PCDHGB5: variants seen among roughly 807,000 people sequenced by gnomAD.
PCDHGB5 encodes the protein protocadherin gamma-B5.
Under a neutral mutation model 62.9 loss-of-function variants are expected in PCDHGB5, and 48 were observed. That is an observed-to-expected ratio of 0.76 (90% CI 0.61 to 0.97). PCDHGB5 has a LOEUF of 0.97. Among genes scored for constraint, PCDHGB5 ranks in the 50% least tolerant of loss-of-function variants. The pLI, the probability that PCDHGB5 is intolerant of heterozygous loss-of-function variation, is 0.00. For synonymous variants in PCDHGB5, 474 were observed against 511.2 expected (o/e 0.93, Z 0.98); for missense variants, 1,118 against 1,198.6 (o/e 0.93, Z 0.99).
chr5:141,419,018 AG>A (rs2096314197), intron 1 of PCDHGB5: 1 of 1,613,838 alleles, frequency 6.2e-7, no homozygotes, highest in African/African-American at 1.3e-5. Context: ...GTGTAGCTTA[AG>A]TAGAGGTGTT....
chr5:141,511,010 A>G lies in PCDHGB5; in HGVS notation c.2609A>G (p.Tyr870Cys), dbSNP rs1286219897. 6.2e-6 allele frequency: 10 copies of G among 1,614,054 alleles called. No homozygotes were observed. Among genetic ancestry groups the G allele is most frequent in the African/African-American group, 1.3e-5 (1 of 74,916 alleles). Residue 870 changes from tyrosine to cysteine, a missense_variant, in exon 4 of 4, where the codon TAC becomes TGC. By Grantham distance (194) the Tyr-to-Cys change is radical (BLOSUM62 -2). Coordinates refer to ENST00000617380, the MANE Select transcript of PCDHGB5 (RefSeq NM_018925.3). ...GGCACCATGGGATTGAGCGCCCGCT[A>G]CGGACCCCAGTTCACCCTGCAGCAC... Reference protein sequence around the residue: ...GAGTMGLSARYGPQFTLQHVP... With the variant: ...GAGTMGLSARCGPQFTLQHVP...
chr5:141,454,796 A>ATTTTTTTTTTTTTT lies in PCDHGB5; in HGVS notation c.2398-39995_2398-39982dup, dbSNP rs61612330. ...AAGGAAATAATCCTCCATGGTTCTA[A>ATTTTTTTTTTTTTT]TTTTTTTTTTTTTTTTTTTTTTTTT... On this transcript the variant is annotated intron_variant, in intron 1 of 3. Coordinates refer to ENST00000617380, the MANE Select transcript of PCDHGB5 (RefSeq NM_018925.3). 1.1e-3 allele frequency among the ~76,000 whole-genome samples: 87 copies of ATTTTTTTTTTTTTT among 77,456 alleles called. 11 individuals carry two copies. The highest frequency in any genetic ancestry group is 1.4e-3 in the Admixed American group (8 of 5,554). The allele number at this position is 77,456 out of a possible 152,430, so 50.8% of individuals were successfully genotyped here.
At chr5:141,403,143 T>A in intron 1 of PCDHGB5, 1 of 1,613,850 alleles carries the variant, frequency 6.2e-7, no homozygotes, top group Non-Finnish European at 8.5e-7. Flanking sequence ...GAGCGCCGAG[T>A]CCGCATCGTC....
At position 141,486,315 on chromosome 5, in the gene PCDHGB5, C is replaced by T. The variant is rs1432435944; in HGVS notation, c.2398-8492C>T. The T allele has an allele frequency of 6.2e-7, 1 of 1,614,066 alleles. No individual in the cohort carries two copies. Among genetic ancestry groups the T allele is most frequent in the East Asian group, 2.2e-5 (1 of 44,862 alleles). ...AGTGTGCAGGATCCAGACTCAGGGT[C>T]AAACGGAGATGTGAGCCTCCGCATT... On this transcript the variant is annotated intron_variant, in intron 1 of 3. Transcript: ENST00000617380. The surrounding 1 kb of genome is among the most constrained non-coding windows in gnomAD (Gnocchi z 5.0).
At chr5:141,409,589 G>A (rs1487343349) in intron 1 of PCDHGB5, 12 of 1,613,758 alleles carry the variant, frequency 7.4e-6, no homozygotes, top group East Asian at 4.5e-5. Flanking sequence ...CCACGTGGCC[G>A]AGAACAACCC....
Position 141,398,827 on chromosome 5 carries a change from G to A in PCDHGB5, c.700G>A (p.Asp234Asn). Residue 234 changes from aspartate (D) to asparagine (N), a missense_variant, in exon 1 of 4, where the codon GAC becomes AAC. Physicochemically the swap from Asp to Asn is conservative, Grantham distance 23. Coordinates refer to ENST00000617380, the MANE Select transcript of PCDHGB5 (RefSeq NM_018925.3). ...CACTGAGCTCCGGATCCAGGTAACC[G>A]ACGCCAATGATAATCCCCCGGTATT... ...GTTELRIQVT[D>N]ANDNPPVFNR... 6.2e-7 allele frequency: 1 copy of A among 1,613,982 alleles called. No homozygotes were observed. Among genetic ancestry groups the A allele is most frequent in the East Asian group, 2.2e-5 (1 of 44,880 alleles).
At chr5:141,420,213 G>A in intron 1 of PCDHGB5, 1 of 1,611,648 alleles carries the variant, frequency 6.2e-7, no homozygotes, top group Non-Finnish European at 8.5e-7. Flanking sequence ...AACAAAGATA[G>A]CATGCTACTG....
At chr5:141,403,831 G>T (rs1207086715) in intron 1 of PCDHGB5, 1 of 1,613,760 alleles carries the variant, frequency 6.2e-7, no homozygotes. Context: ...TGCTATTCCA[G>T]CTTAATGAAA....
At chr5:141,457,791 A>G (rs554446263) in intron 1 of PCDHGB5, among the ~76,000 whole-genome samples, 1 of 152,318 alleles carries the variant, frequency 6.6e-6, no homozygotes, top group South Asian at 2.1e-4. Flanking sequence ...GAGTTGGGTT[A>G]TCCTCTCCTC....
At chr5:141,428,134 T>C (rs746772496) in intron 1 of PCDHGB5, 1 of 1,600,266 alleles carries the variant, frequency 6.2e-7, no homozygotes, top group Non-Finnish European at 8.5e-7. Flanking sequence ...CTTTTCAGCC[T>C]GGGGCTGCAC....
rs561122870 is a variant in PCDHGB5 at position 141,439,444 on chromosome 5, C to T, written c.2397+38920C>T. On this transcript the variant is annotated intron_variant, in intron 1 of 3. Transcript: ENST00000617380. ...ATAAATTCCCAGGAATATTTTATTG[C>T]GGGAGCAAGACTGCACTGCTGCCTT... Among the ~76,000 whole-genome samples the T allele has an allele frequency of 3.0e-4, 46 of 152,264 alleles. 1 individual carries two copies. The South Asian group carries it at 6.2e-3, about 21-fold the overall frequency.
intron 1 of PCDHGB5, among the ~76,000 whole-genome samples, chr5:141,472,042 T>C (rs2099270232): frequency 2.0e-5 from 3 of 152,146 alleles, no homozygotes; most frequent in African/African-American, 7.2e-5. Context: ...TGTGAAAAGA[T>C]TTTAAAAATG....
intron 1 of PCDHGB5, among the ~76,000 whole-genome samples, chr5:141,448,430 T>C (rs1468604001): frequency 6.6e-6 from 1 of 152,186 alleles, no homozygotes; most frequent in African/African-American, 2.4e-5. Flanking sequence ...TATGTATATA[T>C]TGAGAAGTCT....
At chr5:141,479,936 T>C (rs532302710) in intron 1 of PCDHGB5, among the ~76,000 whole-genome samples, 97 of 152,340 alleles carry the variant, frequency 6.4e-4, no homozygotes, top group African/African-American at 2.2e-3. Flanking sequence ...ATCATTGCTA[T>C]CAACTCTTGG....
chr5:141,420,920 A>G, intron 1 of PCDHGB5: 1 of 338,894 alleles, frequency 3.0e-6, no homozygotes, highest in Middle Eastern at 8.3e-4. Flanking sequence ...GTGATTCACA[A>G]AGGTGAGCGT....
chr5:141,470,597 T>A (rs1309687738), intron 1 of PCDHGB5, among the ~76,000 whole-genome samples: 5 of 152,216 alleles, frequency 3.3e-5, no homozygotes, highest in Non-Finnish European at 7.3e-5. Flanking sequence ...AGGCGACCTG[T>A]GCGGGGACAC....
At chr5:141,505,341 A>G in intron 2 of PCDHGB5, 52 bp from the exon 3 acceptor site, 3 of 1,612,728 alleles carry the variant, frequency 1.9e-6, no homozygotes, top group Non-Finnish European at 2.5e-6. Context: ...CAGGAGGGGC[A>G]TGAGCTGTGC....
chr5:141,490,111 A>G lies in PCDHGB5; in HGVS notation c.2398-4696A>G. 6.2e-7 allele frequency: 1 copy of G among 1,614,244 alleles called. No individual in the cohort carries two copies. The highest frequency in any genetic ancestry group is 8.5e-7 in the Non-Finnish European group (1 of 1,180,042). On this transcript the variant is annotated intron_variant, in intron 1 of 3. Coordinates refer to ENST00000617380, the MANE Select transcript of PCDHGB5 (RefSeq NM_018925.3). The surrounding 1 kb of genome is among the most constrained non-coding windows in gnomAD (Gnocchi z 5.4). ...AGACCACACATCTGAGGCAGTGCGGAACCTCTTTGGCCTAGACCCTAGCAG... is the reference window on the plus strand; with the variant it reads ...AGACCACACATCTGAGGCAGTGCGGGACCTCTTTGGCCTAGACCCTAGCAG...
intron 1 of PCDHGB5, chr5:141,407,908 G>C (rs1431775491): frequency 2.4e-6 from 1 of 420,166 alleles, no homozygotes; most frequent in Non-Finnish European, 4.2e-6. Flanking sequence ...ATGAAAAACC[G>C]GGCTGCTGTC....
Sources: allele counts gnomAD v4.1 joint callset (sites outside exome capture counted in the v4.1 genomes callset), GRCh38; gene constraint gnomAD v4.1.1; non-coding constraint Gnocchi (gnomAD v3.1); transcripts MANE v1.5; gene names NCBI Gene and HGNC (gene_info 2026-07-23, HGNC 2026-07-21).